Variants in DPP6 observed in about 807,000 individuals in gnomAD.
DPP6 encodes A-type potassium channel modulatory protein DPP6.
DPP6 carries 69 observed loss-of-function variants against 122.6 expected under a neutral mutation model. That is an observed-to-expected ratio of 0.56 (90% confidence interval 0.46 to 0.69). The LOEUF (loss-of-function observed/expected upper bound fraction) is 0.69. Among genes scored for constraint, DPP6 ranks in the 30% least tolerant of loss-of-function variants. The pLI is 0.00. For synonymous variants in DPP6, 418 were observed against 433.1 expected (o/e 0.97, Z 0.43); for missense variants, 928 against 1,116.9 (o/e 0.83, Z 2.41).
chr7:154,834,345 G>A (rs1456236580), intron 16 of DPP6, among the ~76,000 whole-genome samples: 3 of 151,694 alleles, frequency 2.0e-5, no homozygotes, highest in African/African-American at 7.3e-5. Flanking sequence ...TTGTGGTGGT[G>A]CGTGCCTGTA....
At chr7:154,042,391 C>G (rs2129058282) in intron 1 of DPP6, among the ~76,000 whole-genome samples, 1 of 152,202 alleles carries the variant, frequency 6.6e-6, no homozygotes, top group African/African-American at 2.4e-5. Flanking sequence ...AATACATGAA[C>G]CATGCTCACA....
chr7:154,412,988 G>A (rs1213070285), intron 1 of DPP6, among the ~76,000 whole-genome samples: 2 of 152,198 alleles, frequency 1.3e-5, no homozygotes, highest in Admixed American at 1.3e-4. Context: ...GATTCCACAT[G>A]TGGTCCAAGA....
rs1278738246 is a variant in DPP6, at chr7:154,877,033, CA to C, written c.2078+934del. 1 of 152,188 alleles carries C rather than the reference CA, an allele frequency of 6.6e-6. No homozygotes were observed. Among genetic ancestry groups the C allele is most frequent in the Admixed American group, 6.5e-5 (1 of 15,282 alleles). The allele number at this position is 152,188 out of a possible 1,614,324, so 9.4% of individuals were successfully genotyped here. On this transcript the variant is annotated intron_variant, in intron 20 of 25. Transcript: ENST00000377770. This position sits in a 1 kb window ranked among gnomAD's most constrained non-coding sequence, Gnocchi z 5.2. ...GGAGGGTGGAGCACAGAGCCCAGCT[CA>C]GTACATGTTTATTGACTGGACCTGG... is the stretch of plus-strand genomic sequence containing the variant.
intron 1 of DPP6, among the ~76,000 whole-genome samples, chr7:154,002,753 T>C (rs902342028): frequency 7.2e-5 from 11 of 152,164 alleles, no homozygotes; most frequent in Non-Finnish European, 1.0e-4. Flanking sequence ...GTGTCTCAAT[T>C]TGCCATCTCT....
chr7:154,177,667 G>A (rs544741650), intron 1 of DPP6, among the ~76,000 whole-genome samples: 1 of 152,290 alleles, frequency 6.6e-6, no homozygotes, highest in Admixed American at 6.5e-5. Flanking sequence ...ATAATCATCT[G>A]TGATATGAAA....
intron 1 of DPP6, among the ~76,000 whole-genome samples, chr7:153,915,809 T>A (rs1445717193): frequency 1.3e-5 from 2 of 152,190 alleles, no homozygotes; most frequent in Non-Finnish European, 2.9e-5. Context: ...AATCAGCATT[T>A]CAAGCTACAG....
intron 1 of DPP6, among the ~76,000 whole-genome samples, chr7:154,165,680 C>T (rs1797212763): frequency 6.6e-6 from 1 of 151,972 alleles, no homozygotes; most frequent in Non-Finnish European, 1.5e-5. Flanking sequence ...TGTTTCCTGA[C>T]TTTTTAATGA....
intron 1 of DPP6, among the ~76,000 whole-genome samples, chr7:154,257,796 C>T (rs1300420394): frequency 6.6e-6 from 1 of 152,024 alleles, no homozygotes; most frequent in Admixed American, 6.6e-5. Flanking sequence ...GTAATGGTTC[C>T]CACTATTTGA....
chr7:153,978,481 T>G (rs1268854232), intron 1 of DPP6, among the ~76,000 whole-genome samples: 1 of 152,156 alleles, frequency 6.6e-6, no homozygotes, highest in Non-Finnish European at 1.5e-5. Flanking sequence ...TTGCAAAAAT[T>G]TTCTCCCTGT....
intron 3 of DPP6, among the ~76,000 whole-genome samples, chr7:154,500,273 A>G (rs1206966254): frequency 1.3e-5 from 2 of 152,260 alleles, no homozygotes; most frequent in Non-Finnish European, 1.5e-5. Flanking sequence ...CTGTGTGACC[A>G]TTCTAAAAAA....
intron 1 of DPP6, among the ~76,000 whole-genome samples, chr7:154,429,650 A>G (rs1586243899): frequency 1.3e-5 from 2 of 152,284 alleles, no homozygotes; most frequent in South Asian, 2.1e-4. Context: ...AAGATGTGTC[A>G]CTGTCATGGT....
intron 4 of DPP6, among the ~76,000 whole-genome samples, chr7:154,549,486 A>G (rs762621632): frequency 5.9e-5 from 9 of 152,200 alleles, no homozygotes; most frequent in Non-Finnish European, 1.3e-4. Context: ...AAGAGCTCAC[A>G]GTAAGATTGT....
intron 1 of DPP6, among the ~76,000 whole-genome samples, chr7:153,898,234 C>T (rs961520188): frequency 2.0e-5 from 3 of 152,158 alleles, no homozygotes; most frequent in Non-Finnish European, 4.4e-5. Flanking sequence ...GGGAGAATTA[C>T]TTGAGTCTAG....
intron 1 of DPP6, among the ~76,000 whole-genome samples, chr7:154,431,680 G>A (rs997136337): frequency 2.0e-5 from 3 of 151,624 alleles, no homozygotes; most frequent in African/African-American, 7.3e-5. Flanking sequence ...GATGACAGGT[G>A]CATGCCACCA....
chr7:154,706,050 C>T (rs1840812082), intron 7 of DPP6, among the ~76,000 whole-genome samples: 4 of 152,206 alleles, frequency 2.6e-5, no homozygotes, highest in African/African-American at 9.6e-5. Context: ...ACAAAATTCT[C>T]ACCTTCTCCC....
At chr7:154,195,220 T>G (rs1013402041) in intron 1 of DPP6, among the ~76,000 whole-genome samples, 1 of 152,210 alleles carries the variant, frequency 6.6e-6, no homozygotes. Context: ...ATACCATTTC[T>G]CGAAAAGACG....
chr7:154,020,491 G>A (rs1366799442), intron 1 of DPP6, among the ~76,000 whole-genome samples: 2 of 151,888 alleles, frequency 1.3e-5, no homozygotes, highest in Non-Finnish European at 2.9e-5. Context: ...GGTAGTTCAA[G>A]AGTCAGAGTT....
chr7:154,187,561 A>G (rs938207589), intron 1 of DPP6, among the ~76,000 whole-genome samples: 1 of 152,236 alleles, frequency 6.6e-6, no homozygotes, highest in Admixed American at 6.5e-5. Flanking sequence ...TTGCTTTCCT[A>G]TATACTCTCT....
At chr7:154,709,868 ATACT>A (rs1248494897) in intron 7 of DPP6, among the ~76,000 whole-genome samples, 1 of 152,196 alleles carries the variant, frequency 6.6e-6, no homozygotes, top group African/African-American at 2.4e-5. Flanking sequence ...CATGGAAGGC[ATACT>A]GTTCAGGAAG....
Sources: allele counts gnomAD v4.1 joint callset (sites outside exome capture counted in the v4.1 genomes callset), GRCh38; gene constraint gnomAD v4.1.1; non-coding constraint Gnocchi (gnomAD v3.1); transcripts MANE v1.5; gene names NCBI Gene and HGNC (gene_info 2026-07-23, HGNC 2026-07-21).